Variants in SNTG1 observed in about 807,000 individuals in gnomAD.
The protein encoded by SNTG1 is gamma-1-syntrophin.
Under a neutral mutation model 74.7 loss-of-function variants are expected in SNTG1, and 39 were observed. The ratio of observed to expected loss-of-function variants is 0.52; its 90% confidence interval spans 0.40 to 0.68. The LOEUF is 0.68. Among genes scored for constraint, SNTG1 ranks in the 30% least tolerant of loss-of-function variants. The pLI, the probability that SNTG1 is intolerant of heterozygous loss-of-function variation, is 0.00. For synonymous variants in SNTG1, 254 were observed against 217.1 expected, an observed-to-expected ratio of 1.17 and a Z score of -1.49; for missense variants, 685 against 609.5, an observed-to-expected ratio of 1.12 and a Z score of -1.30.
At chr8:50,328,066 AGATT>A (rs539946386) in intron 2 of SNTG1, among the ~76,000 whole-genome samples, 162 of 152,280 alleles carry the variant, frequency 1.1e-3, no homozygotes, top group Non-Finnish European at 1.8e-3. Context: ...TTTTGCTGTT[AGATT>A]GATTAATAAT....
intron 2 of SNTG1, among the ~76,000 whole-genome samples, chr8:50,383,985 G>A (rs777010902): frequency 6.6e-6 from 1 of 152,120 alleles, no homozygotes; most frequent in Non-Finnish European, 1.5e-5. Context: ...GTGGAATGAA[G>A]ACCTCTAAAC....
chr8:50,323,004 C>A (rs2090591299), intron 2 of SNTG1, among the ~76,000 whole-genome samples: 1 of 151,334 alleles, frequency 6.6e-6, no homozygotes. Flanking sequence ...CACTTCCAGC[C>A]ACTCGGGGGG....
chr8:50,133,477 T>C (rs892926138), intron 1 of SNTG1, among the ~76,000 whole-genome samples: 1 of 152,198 alleles, frequency 6.6e-6, no homozygotes, highest in Non-Finnish European at 1.5e-5. Flanking sequence ...AACATCTGTA[T>C]TGGCTCCCTA....
chr8:50,780,522 T>G (rs2131828158), intron 18 of SNTG1, among the ~76,000 whole-genome samples: 1 of 152,324 alleles, frequency 6.6e-6, no homozygotes, highest in Non-Finnish European at 1.5e-5. Flanking sequence ...TGATGGTAGT[T>G]TGTATTTCTG....
intron 18 of SNTG1, among the ~76,000 whole-genome samples, chr8:50,752,651 G>T (rs2095570564): frequency 6.6e-6 from 1 of 151,944 alleles, no homozygotes; most frequent in Non-Finnish European, 1.5e-5. Flanking sequence ...CTATGGACAT[G>T]AAAGCTCAAT....
At chr8:50,150,008 G>T (rs911697138) in intron 1 of SNTG1, among the ~76,000 whole-genome samples, 2 of 152,082 alleles carry the variant, frequency 1.3e-5, no homozygotes, top group Non-Finnish European at 2.9e-5. Context: ...TCACGATATT[G>T]ATTTTTCCTA....
intron 1 of SNTG1, among the ~76,000 whole-genome samples, chr8:50,167,812 C>CAA (rs1312245688): frequency 7.3e-4 from 55 of 75,598 alleles, no homozygotes; most frequent in African/African-American, 2.2e-3. Context: ...GATTCTATCT[C>CAA]AAAAAAAAAA....
intron 13 of SNTG1, among the ~76,000 whole-genome samples, chr8:50,594,692 G>T (rs1029246429): frequency 1.3e-5 from 2 of 152,082 alleles, no homozygotes; most frequent in African/African-American, 4.8e-5. Context: ...ATCTATTTCT[G>T]TAGTGGTATC....
At chr8:50,336,937 G>T (rs549587171) in intron 2 of SNTG1, among the ~76,000 whole-genome samples, 1 of 152,206 alleles carries the variant, frequency 6.6e-6, no homozygotes, top group East Asian at 1.9e-4. Flanking sequence ...GTTAATTTCA[G>T]CATTATTAAA....
At chr8:50,504,647 C>A (rs937380000) in intron 9 of SNTG1, among the ~76,000 whole-genome samples, 5 of 151,612 alleles carry the variant, frequency 3.3e-5, no homozygotes, top group Non-Finnish European at 4.4e-5. Flanking sequence ...CAAAAAAACC[C>A]CAAAATAGCC....
chr8:50,235,207 C>A (rs190105870), intron 2 of SNTG1, among the ~76,000 whole-genome samples: 1 of 152,112 alleles, frequency 6.6e-6, no homozygotes, highest in South Asian at 2.1e-4. Flanking sequence ...TGACCACCAA[C>A]AAATGAATGG....
chr8:50,144,963 A>T (rs1266135029), intron 1 of SNTG1, among the ~76,000 whole-genome samples: 1 of 152,188 alleles, frequency 6.6e-6, no homozygotes, highest in East Asian at 1.9e-4. Flanking sequence ...AGCTGCCTGC[A>T]GTGCTCTGGG....
rs189758556 is a variant in SNTG1, at chr8:50,032,764, T to C, written c.-103+120533T>C. Among the ~76,000 whole-genome samples, 40 of 152,298 alleles carry C rather than the reference T, an allele frequency of 2.6e-4. No homozygotes were observed. The East Asian group carries it at 7.5e-3, about 29-fold the overall frequency. ...ACTTCCAGGAAGCAGAAGTCAAAATTTGGCTAATCTTTTAACACTATACAT... is the reference window on the plus strand; with the variant it reads ...ACTTCCAGGAAGCAGAAGTCAAAATCTGGCTAATCTTTTAACACTATACAT... On this transcript the variant is annotated intron_variant, in intron 1 of 18. Transcript: ENST00000642720.
intron 13 of SNTG1, among the ~76,000 whole-genome samples, chr8:50,601,534 A>G (rs1475413985): frequency 6.6e-6 from 1 of 152,166 alleles, no homozygotes; most frequent in East Asian, 1.9e-4. Context: ...ATGTTTTGTT[A>G]GCTGACATAT....
At chr8:50,379,070 G>A (rs1246345818) in intron 2 of SNTG1, among the ~76,000 whole-genome samples, 3 of 152,108 alleles carry the variant, frequency 2.0e-5, no homozygotes, top group Non-Finnish European at 4.4e-5. Context: ...GGTACCAAGG[G>A]GCACCTGCAG....
chr8:50,090,536 G>C (rs1336575611), intron 1 of SNTG1, among the ~76,000 whole-genome samples: 1 of 152,088 alleles, frequency 6.6e-6, no homozygotes, highest in African/African-American at 2.4e-5. Flanking sequence ...ACTCATTCTG[G>C]AATCACCAGC....
At chr8:50,711,147 G>A (rs1049860081) in intron 17 of SNTG1, among the ~76,000 whole-genome samples, 1 of 152,058 alleles carries the variant, frequency 6.6e-6, no homozygotes, top group Non-Finnish European at 1.5e-5. Context: ...CATCAGATGA[G>A]GCTGGAAGTT....
At chr8:50,580,162 A>C (rs137903877) in intron 12 of SNTG1, among the ~76,000 whole-genome samples, 1 of 152,230 alleles carries the variant, frequency 6.6e-6, no homozygotes, top group East Asian at 1.9e-4. Flanking sequence ...TTAAAGTTTA[A>C]CAACTGCCCT....
chr8:50,626,614 G>T (rs551116424), intron 13 of SNTG1, among the ~76,000 whole-genome samples: 1 of 152,346 alleles, frequency 6.6e-6, no homozygotes, highest in Non-Finnish European at 1.5e-5. Flanking sequence ...CAAAGGGATT[G>T]CCTCTGGCTA....
Sources: gnomAD v4.1 joint callset for allele counts (sites outside exome capture counted in the v4.1 genomes callset) on GRCh38, gnomAD v4.1.1 for gene constraint, MANE v1.5 for transcripts, NCBI Gene and HGNC (gene_info 2026-07-23, HGNC 2026-07-21) for gene names.